The following ADGRG4 variants were observed in gnomAD, a reference collection of about 807,000 sequenced individuals.
ADGRG4 encodes G protein-coupled receptor 112.
Under a neutral mutation model 126.2 loss-of-function variants are expected in ADGRG4, and 122 were observed. That is an observed-to-expected ratio of 0.97 (90% CI 0.83 to 1.12). ADGRG4 has a LOEUF of 1.12. Ranked by LOEUF, ADGRG4 falls within the 50% of genes most tolerant of loss-of-function variation. The pLI is 0.00. For missense variants in ADGRG4, 2,481 were observed against 2,251.8 expected (o/e 1.10, Z -2.06); for synonymous variants, 943 against 838.7 (o/e 1.12, Z -2.15).
intron 23 of ADGRG4, among the ~76,000 whole-genome samples, chrX:136,409,214 T>A (rs2075432655): frequency 9.0e-6 from 1 of 111,608 alleles, no homozygotes; most frequent in Non-Finnish European, 1.9e-5. Flanking sequence ...TGGGAAAAAA[T>A]TATGCTCATG....
chrX:136,349,572 TCATTATCAA>T lies in ADGRG4; in HGVS notation c.5870_5878del (p.Leu1957_Thr1959del), dbSNP rs1478417880. On this transcript the variant is annotated inframe_deletion, in exon 6 of 26. Coordinates refer to ENST00000394143, the MANE Select transcript of ADGRG4 (RefSeq NM_153834.4). ...TAACCATGGGCTTTCTGAGAACCCT[TCATTATCAA>T]CATCTTTAAGAGCTATCACTTCCAC... The T allele has an allele frequency of 4.1e-6, 5 of 1,208,180 alleles. No homozygotes were observed. The highest frequency in any genetic ancestry group is 5.6e-6 in the Non-Finnish European group (5 of 894,270).
chrX:136,357,016 C>A (rs999082217), intron 9 of ADGRG4, among the ~76,000 whole-genome samples: 1 of 111,776 alleles, frequency 8.9e-6, no homozygotes, highest in Non-Finnish European at 1.9e-5. Flanking sequence ...AACAAACAAA[C>A]AAAAACCTAT....
rs778659494 is a variant in ADGRG4, at chrX:136,350,337, C to T, written c.6631C>T (p.Pro2211Ser). 8.3e-7 allele frequency: 1 copy of T among 1,209,866 alleles called. No individual in the cohort carries two copies. The highest frequency in any genetic ancestry group is 1.1e-6 in the Non-Finnish European group (1 of 893,971). The change falls in exon 6 of 26, where the codon CCA becomes TCA. Residue 2211 changes from proline to serine, a missense_variant. By Grantham distance (74) the Pro-to-Ser change is moderately conservative. Transcript: ENST00000394143. ...TYPFTATVSS[P>S]ISSFFETTWL... Reference sequence around the variant, plus strand: ...TCCTTTTACAGCAACTGTGTCTTCACCAATATCGTCCTTTTTTGAAACAAC... The same window carrying T: ...TCCTTTTACAGCAACTGTGTCTTCATCAATATCGTCCTTTTTTGAAACAAC...
intron 4 of ADGRG4, among the ~76,000 whole-genome samples, chrX:136,311,982 C>T (rs1268414107): frequency 9.0e-6 from 1 of 111,287 alleles, no homozygotes; most frequent in African/African-American, 3.3e-5. Flanking sequence ...CAGGCATGTC[C>T]CACCCTGCCT....
chrX:136,351,211 A>G (rs970638946), intron 6 of ADGRG4, among the ~76,000 whole-genome samples: 1 of 111,716 alleles, frequency 9.0e-6, no homozygotes, highest in Non-Finnish European at 1.9e-5. Context: ...TCTGTCAACT[A>G]GAAATCAAGG....
chrX:136,321,166 T>G (rs540003824), intron 4 of ADGRG4, among the ~76,000 whole-genome samples: 1 of 111,842 alleles, frequency 8.9e-6, no homozygotes, highest in African/African-American at 3.2e-5. Context: ...ACTCTTGATT[T>G]ATTAGCCACA....
intron 19 of ADGRG4, among the ~76,000 whole-genome samples, chrX:136,397,584 C>T (rs2075357711): frequency 1.0e-5 from 1 of 100,117 alleles, no homozygotes; most frequent in Non-Finnish European, 2.0e-5. Flanking sequence ...AAATTCACAT[C>T]TCTCAGCTTG....
intron 5 of ADGRG4, among the ~76,000 whole-genome samples, chrX:136,330,821 G>C (rs944267858): frequency 1.8e-5 from 2 of 111,271 alleles, no homozygotes; most frequent in Admixed American, 9.6e-5. Context: ...TTTATCCTTT[G>C]TGTTATAAAC....
intron 5 of ADGRG4, among the ~76,000 whole-genome samples, chrX:136,335,579 T>C (rs982670316): frequency 2.6e-4 from 29 of 111,632 alleles, no homozygotes; most frequent in Admixed American, 7.6e-4. Context: ...TATTTCCTCT[T>C]GATGGAGCTT....
In ADGRG4 at chrX:136,346,466, T is replaced by C. The variant is rs1317772980; in HGVS notation, c.2760T>C (p.Pro920=). 17 of 1,211,003 alleles carry C rather than the reference T, an allele frequency of 1.4e-5. No homozygotes were observed. Among genetic ancestry groups the C allele is most frequent in the Non-Finnish European group, 1.9e-5 (17 of 894,816 alleles). ...WLLTKLVKTT[P]RSSYNEMTEM... is the part of the protein sequence containing the mutation. ...TGACAAAATTGGTGAAAACCACACC[T>C]AGGAGTTCATACAATGAAATGACAG... Residue 920 remains proline (P), a synonymous_variant, in exon 6 of 26, where the codon CCT becomes CCC. Transcript: ENST00000394143.
chrX:136,380,604 CTCTTCTTCTTCTTCTTCTTCTTCTTCT>C (rs1219064272), intron 15 of ADGRG4, among the ~76,000 whole-genome samples: 1 of 55,359 alleles, frequency 1.8e-5, no homozygotes, highest in East Asian at 4.8e-4. Flanking sequence ...CCTCCTCCTC[CTCTTCTTCTTCTTCTTCTTCTTCTTCT>C]TCTTCTTCTT....
At chrX:136,403,939 CCTT>C (rs1285704740) in intron 22 of ADGRG4, among the ~76,000 whole-genome samples, 1 of 111,708 alleles carries the variant, frequency 9.0e-6, no homozygotes, top group East Asian at 2.8e-4. Context: ...CTCTCCAGAA[CCTT>C]CTTTTACAGG....
intron 5 of ADGRG4, among the ~76,000 whole-genome samples, chrX:136,338,983 C>G (rs148114548): frequency 6.3e-5 from 7 of 110,907 alleles, no homozygotes; most frequent in Admixed American, 1.9e-4. Context: ...AGGCTTCCAC[C>G]TGTCTCTGCT....
Position 136,348,010 on chromosome X carries a change from C to T in ADGRG4, c.4304C>T (p.Thr1435Ile). ...RISNPMDINT[T>I]FSHLHSLRTQ... Reference sequence around the variant, plus strand: ...TCAAATCCTATGGACATCAATACAACTTTTTCACACTTGCATTCACTTAGG... The same window carrying T: ...TCAAATCCTATGGACATCAATACAATTTTTTCACACTTGCATTCACTTAGG... The change falls in exon 6 of 26, where the codon ACT (threonine) becomes ATT (isoleucine). Residue 1435 changes from threonine to isoleucine, a missense_variant. Thr to Ile is a moderately conservative substitution (Grantham distance 89, BLOSUM62 -1). Coordinates refer to ENST00000394143, the MANE Select transcript of ADGRG4 (RefSeq NM_153834.4). 1 of 1,210,616 alleles carries T rather than the reference C, an allele frequency of 8.3e-7. No homozygotes were observed. Among genetic ancestry groups the T allele is most frequent in the South Asian group, 1.8e-5 (1 of 56,900 alleles).
chrX:136,337,253 G>A (rs1344845708), intron 5 of ADGRG4, among the ~76,000 whole-genome samples: 3 of 111,777 alleles, frequency 2.7e-5, no homozygotes, highest in Admixed American at 1.9e-4. Context: ...ACAGACATGA[G>A]CTGCCATATC....
intron 15 of ADGRG4, among the ~76,000 whole-genome samples, chrX:136,383,209 T>C (rs1222064639): frequency 8.9e-6 from 1 of 112,199 alleles, no homozygotes; most frequent in Non-Finnish European, 1.9e-5. Flanking sequence ...TCATCTTTGT[T>C]CTATCCTAGT....
chrX:136,348,357 C>A lies in ADGRG4; in HGVS notation c.4651C>A (p.Pro1551Thr). ...KTMHPGCLKS[P>T]CTATSGPMSE... ...AATGCATCCAGGTTGTTTGAAAAGT[C>A]CCTGTACAGCCACTTCTGGGCCTAT... Residue 1551 changes from proline to threonine, a missense_variant, in exon 6 of 26, where the codon CCC becomes ACC. Pro to Thr is a conservative substitution (Grantham distance 38). Transcript: ENST00000394143. 1.7e-6 allele frequency: 2 copies of A among 1,209,923 alleles called. No individual in the cohort carries two copies. The highest frequency in any genetic ancestry group is 1.1e-6 in the Non-Finnish European group (1 of 894,176).
At chrX:136,415,344 A>G (rs758764117) in intron 25 of ADGRG4, among the ~76,000 whole-genome samples, 3 of 112,018 alleles carry the variant, frequency 2.7e-5, no homozygotes, top group Admixed American at 1.9e-4. Context: ...TTCAGGTTCC[A>G]GCTCTGTCAG....
rs2148488190 is a variant in ADGRG4 at position 136,383,591 on chromosome X, C to T, written c.7777-4149C>T. 3.6e-5 allele frequency among the ~76,000 whole-genome samples: 4 copies of T among 111,073 alleles called. No individual in the cohort carries two copies. In the South Asian group the frequency reaches 1.5e-3, roughly 42 times the overall value. ...TATAGTTTGTGTTTTATTTTTTACC[C>T]ATCCTGATAATATCTGACTTTTAAT... On this transcript the variant is annotated intron_variant, in intron 15 of 25. Transcript: ENST00000394143.
Sources: gnomAD v4.1 joint callset for allele counts (sites outside exome capture counted in the v4.1 genomes callset) on GRCh38, gnomAD v4.1.1 for gene constraint, MANE v1.5 for transcripts, NCBI Gene and HGNC (gene_info 2026-07-23, HGNC 2026-07-21) for gene names.